Variants in CD200R1 observed in about 807,000 individuals in gnomAD.
CD200R1 encodes the protein CD200 receptor 1, also known as cell surface glycoprotein CD200 receptor 1.
A neutral mutation model predicts 38.1 loss-of-function variants in CD200R1; 30 were observed. The ratio of observed to expected loss-of-function variants is 0.79; its 90% confidence interval spans 0.59 to 1.07. The LOEUF (loss-of-function observed/expected upper bound fraction) is 1.07. CD200R1 is among the 50% of genes least tolerant of loss of function. The pLI, the probability that CD200R1 is intolerant of heterozygous loss-of-function variation, is 0.00. For missense variants in CD200R1, 372 were observed against 415.4 expected, an observed-to-expected ratio of 0.90 and a Z score of 0.91; for synonymous variants, 128 against 152.1, an observed-to-expected ratio of 0.84 and a Z score of 1.16.
At chr3:112,959,170 A>G (rs1194153092) in intron 1 of CD200R1, among the ~76,000 whole-genome samples, 1 of 152,158 alleles carries the variant, frequency 6.6e-6, no homozygotes, top group African/African-American at 2.4e-5. Context: ...TACTAACCAA[A>G]AGAGAGCAAG....
intron 1 of CD200R1, among the ~76,000 whole-genome samples, chr3:112,960,730 C>T (rs1054523293): frequency 3.3e-5 from 5 of 151,878 alleles, no homozygotes; most frequent in East Asian, 3.9e-4. Flanking sequence ...CTACGTTTAA[C>T]GCAGAGGTTG....
At chr3:112,956,814 T>A (rs1309964146) in intron 1 of CD200R1, among the ~76,000 whole-genome samples, 2 of 152,182 alleles carry the variant, frequency 1.3e-5, no homozygotes, top group African/African-American at 4.8e-5. Context: ...TGGTTTAGTG[T>A]TGGAATGCAC....
At chr3:112,937,932 T>C (rs1026504110) in intron 2 of CD200R1, among the ~76,000 whole-genome samples, 4 of 152,128 alleles carry the variant, frequency 2.6e-5, no homozygotes, top group African/African-American at 9.7e-5. Flanking sequence ...TTTTCCTAGG[T>C]ATTTTATTCT....
intron 1 of CD200R1, among the ~76,000 whole-genome samples, chr3:112,972,021 G>A (rs1206032934): frequency 6.6e-6 from 1 of 152,102 alleles, no homozygotes; most frequent in African/African-American, 2.4e-5. Context: ...GATTTTAAAT[G>A]TTCACCAATT....
In CD200R1 at chr3:112,925,584, A is replaced by T. The variant is rs1940262631; in HGVS notation, c.770-391T>A. Reference sequence around the variant, plus strand: ...AACACCAAGAATGAACTCTAATGTAAAGTATGGACTTTGGGTGGTAATGTT... The same window carrying T: ...AACACCAAGAATGAACTCTAATGTATAGTATGGACTTTGGGTGGTAATGTT... On this transcript the variant is annotated intron_variant, in intron 5 of 7. Coordinates refer to ENST00000308611, the MANE Select transcript of CD200R1 (RefSeq NM_138806.4). 2.0e-5 allele frequency among the ~76,000 whole-genome samples: 3 copies of T among 152,150 alleles called. 1 individual carries two copies. The South Asian group carries it at 6.2e-4, about 32-fold the overall frequency.
intron 5 of CD200R1, 149 bp from the exon 6 acceptor site, chr3:112,925,342 C>T (rs570999979): frequency 1.8e-6 from 1 of 559,996 alleles, no homozygotes; most frequent in African/African-American, 2.0e-5. Context: ...ACATGCCAAT[C>T]TGGAAATGTT....
chr3:112,925,041 G>T, intron 6 of CD200R1, 44 bp downstream of exon 6: 2 of 1,136,584 alleles, frequency 1.8e-6, no homozygotes, highest in Non-Finnish European at 2.7e-6. Flanking sequence ...CTCTTTTCTA[G>T]CCTAATAAAG....
At position 112,954,320 on chromosome 3, in the gene CD200R1, A is replaced by T. The variant is rs757819260; in HGVS notation, c.68-6396T>A. Among the ~76,000 whole-genome samples, 3 of 152,078 alleles carry T rather than the reference A, an allele frequency of 2.0e-5. No homozygotes were observed. The East Asian group carries it at 5.8e-4, about 29-fold the overall frequency. On this transcript the variant is annotated intron_variant, in intron 1 of 7. Coordinates refer to ENST00000308611, the MANE Select transcript of CD200R1 (RefSeq NM_138806.4). ...GGAGGGGATACTTGATATGATACCA[A>T]TTTTCTTAAATTTGTTAAAAACTTG...
At chr3:112,951,337 T>C (rs889893605) in intron 1 of CD200R1, among the ~76,000 whole-genome samples, 2 of 152,060 alleles carry the variant, frequency 1.3e-5, no homozygotes, top group African/African-American at 4.8e-5. Context: ...AAGCCTTATA[T>C]CTTTAAAAAA....
At chr3:112,944,916 A>G (rs1024577344) in intron 2 of CD200R1, among the ~76,000 whole-genome samples, 7 of 152,190 alleles carry the variant, frequency 4.6e-5, no homozygotes, top group African/African-American at 1.4e-4. Context: ...ACAATTTCCA[A>G]TAAGTCACCA....
intron 1 of CD200R1, among the ~76,000 whole-genome samples, chr3:112,955,461 A>T (rs1941074165): frequency 6.6e-6 from 1 of 151,926 alleles, no homozygotes; most frequent in Admixed American, 6.6e-5. Flanking sequence ...TGCTCTTACT[A>T]AATTGACCTC....
chr3:112,950,641 G>A (rs754539149), intron 1 of CD200R1, among the ~76,000 whole-genome samples: 4 of 151,770 alleles, frequency 2.6e-5, no homozygotes, highest in African/African-American at 4.8e-5. Flanking sequence ...AGTGCACATC[G>A]TATATTCGCT....
At chr3:112,951,816 T>C (rs1940974527) in intron 1 of CD200R1, among the ~76,000 whole-genome samples, 1 of 149,414 alleles carries the variant, frequency 6.7e-6, no homozygotes. Flanking sequence ...AAAAAGGTAA[T>C]AAAAGTTGTG....
chr3:112,925,020 C>T, intron 6 of CD200R1, 65 bp downstream of exon 6: 1 of 943,104 alleles, frequency 1.1e-6, no homozygotes, highest in Admixed American at 1.9e-5. Flanking sequence ...CGGTCAGTTC[C>T]ATATTTCTGA....
At chr3:112,943,022 C>T (rs556362226) in intron 2 of CD200R1, among the ~76,000 whole-genome samples, 1 of 151,802 alleles carries the variant, frequency 6.6e-6, no homozygotes, top group East Asian at 1.9e-4. Flanking sequence ...AATGAATCTG[C>T]TATAATAGTT....
chr3:112,940,755 A>C (rs1156964068), intron 2 of CD200R1, among the ~76,000 whole-genome samples: 4 of 151,820 alleles, frequency 2.6e-5, no homozygotes, highest in Non-Finnish European at 5.9e-5. Flanking sequence ...TCCTAAAAAA[A>C]TTAGAAATAG....
At chr3:112,962,004 AAAC>A (rs1933031442) in intron 1 of CD200R1, among the ~76,000 whole-genome samples, 1 of 152,190 alleles carries the variant, frequency 6.6e-6, no homozygotes, top group Non-Finnish European at 1.5e-5. Flanking sequence ...GGAAGTTTCA[AAAC>A]AACAATTCAA....
chr3:112,971,676 A>G (rs771463018), intron 1 of CD200R1, among the ~76,000 whole-genome samples: 6 of 152,220 alleles, frequency 3.9e-5, no homozygotes, highest in Non-Finnish European at 8.8e-5. Context: ...ACCAAAGAAC[A>G]GGTGGTTCCT....
intron 1 of CD200R1, among the ~76,000 whole-genome samples, chr3:112,972,543 G>A (rs983359469): frequency 1.5e-5 from 2 of 134,242 alleles, no homozygotes; most frequent in Admixed American, 8.0e-5. Context: ...AAGACAATAG[G>A]GCTAAAAAAA....
Sources: gnomAD v4.1 joint callset for allele counts (sites outside exome capture counted in the v4.1 genomes callset) on GRCh38, gnomAD v4.1.1 for gene constraint, MANE v1.5 for transcripts, NCBI Gene and HGNC (gene_info 2026-07-23, HGNC 2026-07-21) for gene names.